The following RHOBTB3 variants were observed in gnomAD, a reference collection of about 807,000 sequenced individuals.
RHOBTB3 encodes Rho related BTB domain containing 3.
RHOBTB3 carries 47 observed loss-of-function variants against 67.2 expected under a neutral mutation model. That is an observed-to-expected ratio of 0.70 (90% CI 0.55 to 0.89). The LOEUF (loss-of-function observed/expected upper bound fraction) is 0.89, where lower values mean the gene tolerates loss of function less well. RHOBTB3 is among the 40% of genes least tolerant of loss of function. RHOBTB3 has a pLI of 0.00. For synonymous variants in RHOBTB3, 273 were observed against 274.2 expected (o/e 1.00, Z 0.04); for missense variants, 631 against 750.0 (o/e 0.84, Z 1.85).
intron 9 of RHOBTB3, among the ~76,000 whole-genome samples, 187 bp downstream of exon 9, chr5:95,780,612 G>A (rs1746020585): frequency 6.6e-6 from 1 of 152,216 alleles, no homozygotes; most frequent in African/African-American, 2.4e-5. Flanking sequence ...TGGAAGTGCA[G>A]TGATTGGGTG....
At position 95,736,892 on chromosome 5, in the gene RHOBTB3, A is replaced by G; in HGVS notation, c.232A>G (p.Ile78Val). The change falls in exon 3 of 12, where the codon ATA becomes GTA. Residue 78 changes from isoleucine (I) to valine (V), a missense_variant. Coordinates refer to ENST00000379982, the MANE Select transcript of RHOBTB3 (RefSeq NM_014899.4). ...TGCTATTTGCATTTTGGTTTAGGAC[A>G]TATTTGACAGTGATTGGTACACTTC... ...LVVHDCPVWDIFDSDWYTSRN... is the reference protein window; with the variant it reads ...LVVHDCPVWDVFDSDWYTSRN... 6.3e-7 allele frequency: 1 copy of G among 1,594,432 alleles called. No homozygotes were observed. The highest frequency in any genetic ancestry group is 1.2e-5 in the South Asian group (1 of 86,804).
rs1291520220 is a variant in RHOBTB3, at chr5:95,795,611, A to G, written c.*2437A>G. On this transcript the variant is annotated 3_prime_UTR_variant, in exon 12 of 12. Transcript: ENST00000379982. ...GTGTGGAGTGTGTAGTTTTGTTATG[A>G]AAGTTCTCTACCACCTACCTGTGTG... The G allele has an allele frequency of 6.6e-6, 1 of 152,190 alleles. No individual in the cohort carries two copies. The highest frequency in any genetic ancestry group is 1.5e-5 in the Non-Finnish European group (1 of 68,044). The allele number at this position is 152,190 out of a possible 1,614,324, so 9.4% of individuals were successfully genotyped here.
intron 7 of RHOBTB3, among the ~76,000 whole-genome samples, chr5:95,767,590 C>T (rs1286409551): frequency 6.6e-6 from 1 of 152,102 alleles, no homozygotes; most frequent in Admixed American, 6.5e-5. Context: ...ACCTTGGCCT[C>T]CAAAGTGCGG....
At chr5:95,750,876 G>A (rs1745070972) in intron 4 of RHOBTB3, among the ~76,000 whole-genome samples, 1 of 152,204 alleles carries the variant, frequency 6.6e-6, no homozygotes, top group Admixed American at 6.5e-5. Context: ...TAGGGCTCAG[G>A]AATTAGGGAT....
At chr5:95,773,865 C>T (rs1438390923) in intron 8 of RHOBTB3, among the ~76,000 whole-genome samples, 1 of 152,146 alleles carries the variant, frequency 6.6e-6, no homozygotes, top group African/African-American at 2.4e-5. Flanking sequence ...GGCCATTTCT[C>T]TGATGTACCT....
chr5:95,719,548 G>T (rs1754801836), intron 1 of RHOBTB3: 1 of 152,294 alleles, frequency 6.6e-6, no homozygotes, highest in Middle Eastern at 3.4e-3. Context: ...AGCAGTATTG[G>T]TCTAGCTCTG....
rs191899478 is a variant in RHOBTB3 at position 95,725,199 on chromosome 5, T to C, written n.134-6660T>C. On this transcript the variant is annotated intron_variant and non_coding_transcript_variant, in intron 1 of 5. Coordinates refer to the RHOBTB3 transcript ENST00000504949. Reference sequence around the variant, plus strand: ...AAATAAATGGTGGCATATATTTTCATTGGATGCTATTCAGCAATGAAAAGG... The same window carrying C: ...AAATAAATGGTGGCATATATTTTCACTGGATGCTATTCAGCAATGAAAAGG... Among the ~76,000 whole-genome samples, 205 of 152,296 alleles carry C rather than the reference T, an allele frequency of 1.3e-3. 1 individual carries two copies. Among genetic ancestry groups the C allele is most frequent in the Middle Eastern group, 6.8e-3 (2 of 294 alleles).
chr5:95,765,959 G>A (rs1221402106), intron 7 of RHOBTB3, among the ~76,000 whole-genome samples: 1 of 152,174 alleles, frequency 6.6e-6, no homozygotes, highest in Admixed American at 6.5e-5. Context: ...ACCGTGCCCA[G>A]CCCGGTGATG....
chr5:95,780,619 G>C (rs988958441), intron 9 of RHOBTB3, among the ~76,000 whole-genome samples, 194 bp downstream of exon 9: 15 of 152,210 alleles, frequency 9.9e-5, no homozygotes, highest in African/African-American at 3.1e-4. Flanking sequence ...GCAGTGATTG[G>C]GTGCCTTTTA....
At chr5:95,766,642 G>C (rs530027017) in intron 7 of RHOBTB3, among the ~76,000 whole-genome samples, 1 of 151,966 alleles carries the variant, frequency 6.6e-6, no homozygotes, top group African/African-American at 2.4e-5. Context: ...AAGAAAAAAG[G>C]GTGGAGGGTA....
intron 8 of RHOBTB3, among the ~76,000 whole-genome samples, chr5:95,773,841 G>T (rs1321879233): frequency 6.6e-6 from 1 of 152,260 alleles, no homozygotes; most frequent in Non-Finnish European, 1.5e-5. Flanking sequence ...CTGGAAGCAG[G>T]CTCAGCTTAC....
chr5:95,727,236 C>T (rs1755082899), upstream of RHOBTB3, among the ~76,000 whole-genome samples: 1 of 152,146 alleles, frequency 6.6e-6, no homozygotes, highest in South Asian at 2.1e-4. Flanking sequence ...TTTTCTGCCA[C>T]CTCCTCAAGC....
intron 10 of RHOBTB3, 52 bp from the exon 11 acceptor site, chr5:95,788,710 A>T: frequency 8.3e-7 from 1 of 1,207,574 alleles, no homozygotes; most frequent in Admixed American, 2.1e-5. Flanking sequence ...TGATCTTATC[A>T]TACCAGTGGC....
At chr5:95,769,448 T>C (rs1745642277) in intron 8 of RHOBTB3, 1 of 209,376 alleles carries the variant, frequency 4.8e-6, no homozygotes, top group South Asian at 7.6e-5. Flanking sequence ...TAGCTATTGA[T>C]GCTCTAATTG....
At chr5:95,755,087 T>C (rs1206622987) in intron 5 of RHOBTB3, among the ~76,000 whole-genome samples, 4 of 152,258 alleles carry the variant, frequency 2.6e-5, no homozygotes, top group African/African-American at 9.6e-5. Flanking sequence ...TATTTTATTG[T>C]TCCGTACGTC....
intron 8 of RHOBTB3, chr5:95,770,801 A>G (rs1185385517): frequency 1.1e-5 from 2 of 173,990 alleles, no homozygotes; most frequent in African/African-American, 4.7e-5. Context: ...ATTTGAAGAA[A>G]ATGACTGAAG....
intron 8 of RHOBTB3, among the ~76,000 whole-genome samples, chr5:95,776,257 A>G (rs927810699): frequency 2.6e-5 from 4 of 152,042 alleles, no homozygotes; most frequent in East Asian, 3.9e-4. Flanking sequence ...AAATACAAAA[A>G]TCAGCCAGGC....
chr5:95,767,104 G>T (rs143464775), intron 7 of RHOBTB3, among the ~76,000 whole-genome samples: 1 of 151,990 alleles, frequency 6.6e-6, no homozygotes, highest in East Asian at 1.9e-4. Flanking sequence ...CCAGCTTCTC[G>T]GGAGGCTGAG....
At chr5:95,759,358 A>T (rs562755898) in intron 6 of RHOBTB3, among the ~76,000 whole-genome samples, 1 of 152,234 alleles carries the variant, frequency 6.6e-6, no homozygotes, top group African/African-American at 2.4e-5. Context: ...GTATCTATTT[A>T]TTATTCTTTA....
Sources: gnomAD v4.1 joint callset for allele counts (sites outside exome capture counted in the v4.1 genomes callset) on GRCh38, gnomAD v4.1.1 for gene constraint, MANE v1.5 for transcripts, NCBI Gene and HGNC (gene_info 2026-07-23, HGNC 2026-07-21) for gene names.